Variants in PTPN9 observed in about 807,000 individuals in gnomAD.
PTPN9 encodes the protein protein tyrosine phosphatase non-receptor type 9, also known as tyrosine-protein phosphatase non-receptor type 9.
Under a neutral mutation model 69.8 loss-of-function variants are expected in PTPN9, and 26 were observed. That is an observed-to-expected ratio of 0.37 (90% CI 0.27 to 0.52). The LOEUF (loss-of-function observed/expected upper bound fraction) is 0.52, where lower values mean the gene tolerates loss of function less well. PTPN9 is among the 20% of genes least tolerant of loss of function. The probability of loss-of-function intolerance (pLI) is 0.91; values close to 1 mark genes in which losing one functional copy is unlikely to be tolerated. For missense variants in PTPN9, 549 were observed against 740.3 expected (o/e 0.74, Z 3.00); for synonymous variants, 274 against 272.5 (o/e 1.01, Z -0.05).
At chr15:75,524,327 A>C (rs1274667219) in intron 2 of PTPN9, 29 bp from the exon 3 acceptor site, 1 of 1,414,666 alleles carries the variant, frequency 7.1e-7, no homozygotes, top group South Asian at 1.2e-5. Flanking sequence ...AAAATGTATT[A>C]ATATGAAAAT....
intron 1 of PTPN9, among the ~76,000 whole-genome samples, chr15:75,563,045 T>G (rs930828618): frequency 6.6e-6 from 1 of 152,178 alleles, no homozygotes; most frequent in African/African-American, 2.4e-5. Flanking sequence ...GTAATAAGCA[T>G]AGTACACAAT....
chr15:75,537,753 C>CAAAAAAAAAAAAAAAA (rs1164644727), intron 1 of PTPN9, among the ~76,000 whole-genome samples: 2 of 11,390 alleles, frequency 1.8e-4, no homozygotes, highest in African/African-American at 4.6e-4. Flanking sequence ...GACTCCATCT[C>CAAAAAAAAAAAAAAAA]AAAAAAAAAA....
chr15:75,562,288 G>A (rs1022652419), intron 1 of PTPN9, among the ~76,000 whole-genome samples: 1 of 152,178 alleles, frequency 6.6e-6, no homozygotes, highest in Non-Finnish European at 1.5e-5. Flanking sequence ...ACATTAAACA[G>A]TGACATCTTG....
chr15:75,516,728 G>A (rs1214492208), intron 5 of PTPN9, among the ~76,000 whole-genome samples: 1 of 139,322 alleles, frequency 7.2e-6, no homozygotes, highest in Non-Finnish European at 1.5e-5. Flanking sequence ...TTATGACTCA[G>A]AATGTTCCTG....
At position 75,579,294 on chromosome 15, in the gene PTPN9, G is replaced by A. The variant is rs2075189419; in HGVS notation, c.-518C>T. The A allele has an allele frequency of 6.6e-6, 1 of 152,156 alleles. No homozygotes were observed. The highest frequency in any genetic ancestry group is 1.5e-5 in the Non-Finnish European group (1 of 68,030). 9.4% of individuals were successfully genotyped at this position (152,156 alleles called of 1,614,324 possible). A position where few individuals can be genotyped will look rare whatever the true frequency, so the allele number is the denominator to read the frequency against. On this transcript the variant is annotated 5_prime_UTR_variant, in exon 1 of 13. Coordinates refer to ENST00000618819, the MANE Select transcript of PTPN9 (RefSeq NM_002833.4). ...CGCGGCTGCCTCAGCCAGGCTCCTC[G>A]CGGGCGGCCGCAGCGAAAGGGAGGG...
chr15:75,518,986 A>G (rs2074887359), intron 4 of PTPN9, among the ~76,000 whole-genome samples: 1 of 152,136 alleles, frequency 6.6e-6, no homozygotes, highest in Admixed American at 6.6e-5. Context: ...GCAGACCCAA[A>G]TGGTCATTAG....
chr15:75,523,751 G>A (rs2074915050), intron 3 of PTPN9, among the ~76,000 whole-genome samples: 1 of 152,160 alleles, frequency 6.6e-6, no homozygotes, highest in Non-Finnish European at 1.5e-5. Flanking sequence ...TGGACCAACT[G>A]AAGAAACTTT....
intron 7 of PTPN9, among the ~76,000 whole-genome samples, chr15:75,495,415 T>C (rs1305260846): frequency 6.6e-6 from 1 of 151,956 alleles, no homozygotes; most frequent in African/African-American, 2.4e-5. Flanking sequence ...ATTGGGCATA[T>C]AGAAAAATAA....
rs71140166 is a variant in PTPN9 at position 75,494,131 on chromosome 15, C to CATATAT, written c.969-3836_969-3831dup. ...CCTTTAAGAAAAAGTTTATCAATCCCATATATATATATATATATATATATA... is the reference window on the plus strand; with the variant it reads ...CCTTTAAGAAAAAGTTTATCAATCCCATATATATATATATATATATATATATATATA... On this transcript the variant is annotated intron_variant, in intron 7 of 12. Coordinates refer to ENST00000618819, the MANE Select transcript of PTPN9 (RefSeq NM_002833.4). Among the ~76,000 whole-genome samples the CATATAT allele has an allele frequency of 2.1e-3, 305 of 143,500 alleles. 1 individual carries two copies. The highest frequency in any genetic ancestry group is 5.2e-3 in the African/African-American group (206 of 39,502). 94.1% of individuals were successfully genotyped at this position (143,500 alleles called of 152,430 possible). A position where few individuals can be genotyped will look rare whatever the true frequency, so the allele number is the denominator to read the frequency against.
intron 1 of PTPN9, among the ~76,000 whole-genome samples, chr15:75,555,537 C>T (rs972495244): frequency 1.4e-4 from 22 of 151,964 alleles, no homozygotes; most frequent in African/African-American, 5.3e-4. Flanking sequence ...ACAGTCCTCG[C>T]TCTGTCACCC....
At chr15:75,515,613 T>C (rs2074865672) in intron 5 of PTPN9, among the ~76,000 whole-genome samples, 1 of 151,234 alleles carries the variant, frequency 6.6e-6, no homozygotes, top group Admixed American at 6.6e-5. Flanking sequence ...ATTTAAAAAA[T>C]AAGGCCAGGC....
chr15:75,512,155 T>C (rs912503358), intron 5 of PTPN9, among the ~76,000 whole-genome samples: 41 of 152,220 alleles, frequency 2.7e-4, no homozygotes, highest in African/African-American at 9.6e-4. Flanking sequence ...TCCTTTTAAA[T>C]TATTTTAAGA....
chr15:75,567,668 T>G (rs183808259), intron 1 of PTPN9, among the ~76,000 whole-genome samples: 1 of 152,164 alleles, frequency 6.6e-6, no homozygotes, highest in African/African-American at 2.4e-5. Flanking sequence ...CAGAGGAAAC[T>G]GGTACATACT....
chr15:75,467,810 A>G lies in PTPN9; in HGVS notation c.*959T>C, dbSNP rs1427576545. 1 of 152,652 alleles carries G rather than the reference A, an allele frequency of 6.6e-6. No individual in the cohort carries two copies. Among genetic ancestry groups the G allele is most frequent in the Non-Finnish European group, 1.5e-5 (1 of 68,054 alleles). 9.5% of individuals were successfully genotyped at this position (152,652 alleles called of 1,614,324 possible). On this transcript the variant is annotated 3_prime_UTR_variant, in exon 13 of 13. Coordinates refer to ENST00000618819, the MANE Select transcript of PTPN9 (RefSeq NM_002833.4). ...GGGATAGTGAAAGCAAAGAGAGAGT[A>G]TGGAATCACAGTGGAGGTCTGTTCC...
At chr15:75,565,516 C>T (rs1269062174) in intron 1 of PTPN9, among the ~76,000 whole-genome samples, 1 of 152,088 alleles carries the variant, frequency 6.6e-6, no homozygotes, top group Non-Finnish European at 1.5e-5. Context: ...CATTCCTGAC[C>T]TCTATCCACT....
intron 1 of PTPN9, among the ~76,000 whole-genome samples, chr15:75,556,265 T>C (rs1304295825): frequency 2.0e-5 from 3 of 151,522 alleles, no homozygotes; most frequent in Admixed American, 1.3e-4. Context: ...GGTTTCACCA[T>C]GTTGGCCAGG....
chr15:75,481,979 G>C (rs1220170693), intron 8 of PTPN9, among the ~76,000 whole-genome samples: 4 of 145,678 alleles, frequency 2.7e-5, no homozygotes, highest in South Asian at 2.3e-4. Context: ...CATTGAGAAC[G>C]GGCCAGGATG....
At chr15:75,567,033 TC>T (rs1186245130) in intron 1 of PTPN9, among the ~76,000 whole-genome samples, 1 of 151,132 alleles carries the variant, frequency 6.6e-6, no homozygotes, top group Non-Finnish European at 1.5e-5. Context: ...TTTTTTTTTT[TC>T]AGATGCAATC....
In PTPN9 at chr15:75,574,893, G is replaced by C. The variant is rs112559598; in HGVS notation, c.63+3821C>G. Among the ~76,000 whole-genome samples the C allele has an allele frequency of 5.6e-4, 74 of 131,368 alleles. 1 individual carries two copies. The highest frequency in any genetic ancestry group is 1.8e-3 in the African/African-American group (65 of 36,436). The allele number at this position is 131,368 out of a possible 152,430, so 86.2% of individuals were successfully genotyped here. ...GGAGGCAGAGGTTGCAATGAGCCAA[G>C]ATCACGCCATTGCATTCCAGCCTGG... On this transcript the variant is annotated intron_variant, in intron 1 of 12. Transcript: ENST00000618819.
Sources: allele counts gnomAD v4.1 joint callset (sites outside exome capture counted in the v4.1 genomes callset), GRCh38; gene constraint gnomAD v4.1.1; transcripts MANE v1.5; gene names NCBI Gene and HGNC (gene_info 2026-07-23, HGNC 2026-07-21).